The following NCOA1 variants were observed in gnomAD, a reference collection of about 807,000 sequenced individuals.
NCOA1 encodes Hin-2 protein.
In NCOA1, 35 loss-of-function variants were observed where a neutral mutation model predicts 150.9. That is an observed-to-expected ratio of 0.23 (90% CI 0.18 to 0.31). The LOEUF (loss-of-function observed/expected upper bound fraction) is 0.31. Ranked by LOEUF, NCOA1 falls within the 10% of genes least tolerant of loss-of-function variation. NCOA1 has a pLI of 1.00. For missense variants in NCOA1, 1,491 were observed against 1,749.3 expected (o/e 0.85, Z 2.63); for synonymous variants, 590 against 630.0 (o/e 0.94, Z 0.95).
At chr2:24,723,566 T>C (rs1164766292) in intron 14 of NCOA1, among the ~76,000 whole-genome samples, 2 of 152,242 alleles carry the variant, frequency 1.3e-5, no homozygotes, top group East Asian at 3.8e-4. Context: ...TGCCAATACA[T>C]TGAATTATGT....
chr2:24,578,265 G>A (rs1488912190), intron 2 of NCOA1, among the ~76,000 whole-genome samples: 2 of 152,096 alleles, frequency 1.3e-5, no homozygotes, highest in South Asian at 2.1e-4. Context: ...TGGCAGTTAG[G>A]AAAGTTCATG....
intron 1 of NCOA1, among the ~76,000 whole-genome samples, chr2:24,523,793 G>T (rs1338522922): frequency 4.7e-5 from 7 of 149,868 alleles, no homozygotes; most frequent in Non-Finnish European, 5.9e-5. Context: ...GGGCGTGGTG[G>T]CGCGTGCCTG....
chr2:24,529,759 G>A (rs960892519), intron 1 of NCOA1, among the ~76,000 whole-genome samples: 3 of 152,074 alleles, frequency 2.0e-5, no homozygotes, highest in African/African-American at 2.4e-5. Flanking sequence ...ATTCTCTTTA[G>A]TACTGGCATA....
Position 24,662,919 on chromosome 2 carries a change from C to T in NCOA1, c.90-2830C>T, listed in dbSNP as rs574095758. On this transcript the variant is annotated intron_variant, in intron 5 of 22. Transcript: ENST00000348332. ...CCTCCCCACTCAGCCTCCTGAGTAACTAGGACTACAGGCGCACACCATCAC... is the reference window on the plus strand; with the variant it reads ...CCTCCCCACTCAGCCTCCTGAGTAATTAGGACTACAGGCGCACACCATCAC... 1.3e-3 allele frequency among the ~76,000 whole-genome samples: 198 copies of T among 151,872 alleles called. 4 individuals are homozygous for T. Among genetic ancestry groups the T allele is most frequent in the African/African-American group, 4.5e-3 (188 of 41,440 alleles).
In NCOA1 at chr2:24,741,975, G is replaced by C; in HGVS notation, c.3495G>C (p.Gln1165His). 1 of 1,614,174 alleles carries C rather than the reference G, an allele frequency of 6.2e-7. No homozygotes were observed. The highest frequency in any genetic ancestry group is 8.5e-7 in the Non-Finnish European group (1 of 1,180,020). The part of the protein sequence containing the change: ...GNPRLPQGAP[Q>H]QFPYPPNYGT... ...CCCGTCTTCCTCAGGGTGCTCCACAGCAATTCCCCTATCCACCAAACTATG... is the reference window on the plus strand; with the variant it reads ...CCCGTCTTCCTCAGGGTGCTCCACACCAATTCCCCTATCCACCAAACTATG... Residue 1165 changes from glutamine to histidine, a missense_variant, in exon 19 of 23, where the codon CAG becomes CAC. Gln to His is a conservative substitution (Grantham distance 24, BLOSUM62 0). Coordinates refer to ENST00000348332, the MANE Select transcript of NCOA1 (RefSeq NM_003743.5).
chr2:24,698,759 C>T (rs1293863761), intron 11 of NCOA1, among the ~76,000 whole-genome samples: 1 of 152,064 alleles, frequency 6.6e-6, no homozygotes, highest in African/African-American at 2.4e-5. Context: ...TTTTGTCATT[C>T]TTAATTTTAA....
rs1482039216 is a variant in NCOA1 at position 24,728,319 on chromosome 2, G to C, written c.2729G>C (p.Ser910Thr). 1 of 1,610,402 alleles carries C rather than the reference G, an allele frequency of 6.2e-7. No homozygotes were observed. The highest frequency in any genetic ancestry group is 1.3e-5 in the African/African-American group (1 of 74,744). Reference sequence around the variant, plus strand: ...TTTTAATCCTGCAGCCAGTGTATTAGCTCACAATTAGATGAGCTTCTCTGT... The same window carrying C: ...TTTTAATCCTGCAGCCAGTGTATTACCTCACAATTAGATGAGCTTCTCTGT... ...NQSKSEDQCI[S>T]SQLDELLCPP... is the part of the protein sequence containing the mutation. The change falls in exon 16 of 23, where the codon AGC (serine) becomes ACC (threonine). Residue 910 changes from serine (S) to threonine (T), a missense_variant. By Grantham distance (58) the Ser-to-Thr change is moderately conservative (BLOSUM62 1). Transcript: ENST00000348332.
intron 8 of NCOA1, among the ~76,000 whole-genome samples, chr2:24,685,057 A>G (rs1269224008): frequency 6.6e-6 from 1 of 152,086 alleles, no homozygotes; most frequent in African/African-American, 2.4e-5. Flanking sequence ...TTCAGAACCT[A>G]TCAAGAAAGA....
chr2:24,555,261 T>C (rs947106713), intron 1 of NCOA1, among the ~76,000 whole-genome samples: 15 of 152,238 alleles, frequency 9.9e-5, no homozygotes, highest in Admixed American at 1.3e-4. Flanking sequence ...TCCAACTCTT[T>C]GGTATTCTTA....
At chr2:24,575,597 A>C (rs1381104068) in intron 2 of NCOA1, among the ~76,000 whole-genome samples, 1 of 143,358 alleles carries the variant, frequency 7.0e-6, no homozygotes, top group Non-Finnish European at 1.5e-5. Context: ...TTTTTGAGAC[A>C]GAGTCTCGCT....
rs56125750 is a variant in NCOA1, at chr2:24,627,774, G to A, written c.-174-16192G>A. ...TTCTTTAGGAAAGAACTAAACACTT[G>A]CAGTTTAGGTGTTAGGTTTAATTTT... On this transcript the variant is annotated intron_variant, in intron 3 of 22. Transcript: ENST00000348332. Among the ~76,000 whole-genome samples the A allele has an allele frequency of 2.9e-3, 448 of 152,310 alleles. 2 individuals are homozygous for A. The highest frequency in any genetic ancestry group is 1.0e-2 in the African/African-American group (415 of 41,572).
intron 22 of NCOA1, 183 bp from the exon 23 acceptor site, chr2:24,768,038 G>C: frequency 6.2e-7 from 1 of 1,606,792 alleles, no homozygotes; most frequent in East Asian, 2.2e-5. Flanking sequence ...GAACTTTCCA[G>C]AACCCTGAGC....
Position 24,691,538 on chromosome 2 carries a change from G to T in NCOA1, c.590G>T (p.Cys197Phe). 2.5e-6 allele frequency: 4 copies of T among 1,614,154 alleles called. No individual in the cohort carries two copies. Among genetic ancestry groups the T allele is most frequent in the Non-Finnish European group, 3.4e-6 (4 of 1,180,014 alleles). ...ATRRNSHTFN[C>F]RMLIHPPDEP... ...CGACGAAATAGCCATACCTTTAACT[G>T]CAGGATGCTAATTCACCCTCCAGAT... The change falls in exon 9 of 23, where the codon TGC becomes TTC. Residue 197 changes from cysteine to phenylalanine, a missense_variant. Transcript: ENST00000348332.
chr2:24,665,034 T>C (rs547447978), intron 5 of NCOA1, among the ~76,000 whole-genome samples: 1 of 152,318 alleles, frequency 6.6e-6, no homozygotes, highest in South Asian at 2.1e-4. Context: ...GTACATTTGG[T>C]ATATTTTTTT....
chr2:24,600,318 G>A (rs72805251), intron 3 of NCOA1, among the ~76,000 whole-genome samples: 6,579 of 152,208 alleles, frequency 0.043, 240 homozygotes, highest in East Asian at 0.19. Flanking sequence ...CCATCCTACT[G>A]CCTCAGTCTC....
At chr2:24,536,183 G>A (rs192734706) in intron 1 of NCOA1, among the ~76,000 whole-genome samples, 10 of 151,956 alleles carry the variant, frequency 6.6e-5, no homozygotes, top group Non-Finnish European at 1.0e-4. Context: ...TTGTCTTCTC[G>A]CTTTATTTCA....
rs1236158529 is a variant in NCOA1, at chr2:24,665,888, A to C, written c.229A>C (p.Ile77Leu). 1 of 1,583,438 alleles carries C rather than the reference A, an allele frequency of 6.3e-7. No individual in the cohort carries two copies. The highest frequency in any genetic ancestry group is 8.6e-7 in the Non-Finnish European group (1 of 1,163,982). ...CKILKKTVDQ[I>L]QLMKRMEQEK... ...GATTTTGAAGAAAACAGTCGATCAG[A>C]TACAGCTAATGAAGAGAATGGAACA... Residue 77 changes from isoleucine to leucine, a missense_variant, in exon 6 of 23, where the codon ATA becomes CTA. Ile to Leu is a conservative substitution (Grantham distance 5). Transcript: ENST00000348332.
intron 1 of NCOA1, among the ~76,000 whole-genome samples, chr2:24,530,870 C>T (rs1664854098): frequency 1.3e-5 from 2 of 152,098 alleles, no homozygotes; most frequent in African/African-American, 4.8e-5. Flanking sequence ...ACTATGTGGC[C>T]AAAGTCTTAT....
At chr2:24,608,078 A>G (rs1313988614) in intron 3 of NCOA1, among the ~76,000 whole-genome samples, 1 of 151,952 alleles carries the variant, frequency 6.6e-6, no homozygotes, top group African/African-American at 2.4e-5. Flanking sequence ...AGTTTTAGAG[A>G]AGATTTTAAA....
Sources: allele counts gnomAD v4.1 joint callset (sites outside exome capture counted in the v4.1 genomes callset), GRCh38; gene constraint gnomAD v4.1.1; transcripts MANE v1.5; gene names NCBI Gene and HGNC (gene_info 2026-07-23, HGNC 2026-07-21).